DIAPH2: variants seen among roughly 807,000 people sequenced by gnomAD.
DIAPH2 encodes diaphanous related formin 2.
A neutral mutation model predicts 92.7 loss-of-function variants in DIAPH2; 35 were observed. The ratio of observed to expected loss-of-function variants is 0.38; its 90% confidence interval spans 0.29 to 0.50. DIAPH2 has a LOEUF of 0.50. Ranked by LOEUF, DIAPH2 falls within the 20% of genes least tolerant of loss-of-function variation. DIAPH2 has a pLI of 0.94. For missense variants in DIAPH2, 701 were observed against 819.5 expected (o/e 0.86, Z 1.77); for synonymous variants, 301 against 280.4 (o/e 1.07, Z -0.73).
chrX:97,009,209 C>G (rs1357170721), intron 17 of DIAPH2, among the ~76,000 whole-genome samples: 3 of 111,041 alleles, frequency 2.7e-5, no homozygotes, highest in African/African-American at 9.8e-5. Flanking sequence ...CCATCACCAC[C>G]CCAGGCCTGC....
Position 96,916,390 on chromosome X carries a change from T to C in DIAPH2, c.733-48T>C, listed in dbSNP as rs1362481255. The C allele has an allele frequency of 1.9e-6, 2 of 1,070,173 alleles. 1 individual carries two copies. Among genetic ancestry groups the C allele is most frequent in the Admixed American group, 7.5e-5 (2 of 26,732 alleles). 88.2% of individuals were successfully genotyped at this position (1,070,173 alleles called of 1,213,427 possible). A position where few individuals can be genotyped will look rare whatever the true frequency, so the allele number is the denominator to read the frequency against. The stretch of plus-strand genomic sequence containing the variant: ...GTACGTTGCTTTTTTAAATTAAAGA[T>C]ATATTCCATAGACATTCTGAATGAA... On this transcript the variant is annotated intron_variant, in intron 7 of 26. Coordinates refer to ENST00000324765, the MANE Select transcript of DIAPH2 (RefSeq NM_006729.5).
intron 26 of DIAPH2, among the ~76,000 whole-genome samples, chrX:97,578,435 C>G (rs973752112): frequency 3.8e-5 from 4 of 105,396 alleles, no homozygotes; most frequent in African/African-American, 1.4e-4. Context: ...GTTTTTTGCT[C>G]TTGCGATAGT....
chrX:97,305,845 A>G (rs1318600024), intron 23 of DIAPH2, among the ~76,000 whole-genome samples: 1 of 108,448 alleles, frequency 9.2e-6, no homozygotes, highest in East Asian at 2.9e-4. Context: ...AAAAAAAGAA[A>G]GAAAGAAAGA....
intron 23 of DIAPH2, among the ~76,000 whole-genome samples, chrX:97,322,324 A>T (rs2068905284): frequency 8.9e-6 from 1 of 112,307 alleles, no homozygotes; most frequent in Non-Finnish European, 1.9e-5. Flanking sequence ...TGTAAGTTTA[A>T]GCATATGATT....
rs189037380 is a variant in DIAPH2, at chrX:97,297,877, A to G, written c.2844+50038A>G. 1.0e-3 allele frequency among the ~76,000 whole-genome samples: 111 copies of G among 110,937 alleles called. 2 individuals carry two copies. Among genetic ancestry groups the G allele is most frequent in the Middle Eastern group, 9.3e-3 (2 of 216 alleles). ...ACTTTGGGAATATCCTTTAGTTTAT[A>G]TACTACAGTTACCCCCTCCATAATA... On this transcript the variant is annotated intron_variant, in intron 23 of 26. Transcript: ENST00000324765.
chrX:97,452,562 T>C (rs971445320), intron 26 of DIAPH2, among the ~76,000 whole-genome samples: 6 of 111,986 alleles, frequency 5.4e-5, no homozygotes, highest in African/African-American at 1.6e-4. Context: ...TCTTTTTACA[T>C]TGGATTTTGA....
chrX:97,235,524 A>T (rs1043895051), intron 22 of DIAPH2, among the ~76,000 whole-genome samples: 1 of 107,112 alleles, frequency 9.3e-6, no homozygotes, highest in South Asian at 4.2e-4. Flanking sequence ...GAATGGCTTG[A>T]ACCTGGGAGG....
In DIAPH2 at chrX:97,429,540, G is replaced by T. The variant is rs768594508; in HGVS notation, c.3146-110G>T. On this transcript the variant is annotated intron_variant, in intron 25 of 26. Coordinates refer to ENST00000324765, the MANE Select transcript of DIAPH2 (RefSeq NM_006729.5). ...ATCCATTATGTTAAAACAGATATATGTCTTTAATTTAGGGGTATTATGTAA... is the reference window on the plus strand; with the variant it reads ...ATCCATTATGTTAAAACAGATATATTTCTTTAATTTAGGGGTATTATGTAA... 6.5e-4 allele frequency: 658 copies of T among 1,011,872 alleles called. No individual in the cohort carries two copies. The highest frequency in any genetic ancestry group is 8.0e-4 in the Non-Finnish European group (616 of 767,494). The allele number at this position is 1,011,872 out of a possible 1,213,427, so 83.4% of individuals were successfully genotyped here.
At chrX:97,219,664 C>G (rs2067909415) in intron 22 of DIAPH2, among the ~76,000 whole-genome samples, 1 of 111,601 alleles carries the variant, frequency 9.0e-6, no homozygotes, top group Admixed American at 9.6e-5. Flanking sequence ...AATACACTAG[C>G]TTCACATGTT....
intron 26 of DIAPH2, among the ~76,000 whole-genome samples, chrX:97,575,889 C>G (rs943615286): frequency 8.9e-6 from 1 of 111,994 alleles, no homozygotes; most frequent in Non-Finnish European, 1.9e-5. Context: ...ATTACTAACA[C>G]GTTGTGACCA....
chrX:97,185,379 A>ATG (rs1569323083), intron 22 of DIAPH2, among the ~76,000 whole-genome samples: 1 of 41,609 alleles, frequency 2.4e-5, no homozygotes, highest in Non-Finnish European at 3.5e-5. Context: ...GTATATATAT[A>ATG]TGTATATATA....
At chrX:96,719,676 T>G (rs2063977432) in intron 1 of DIAPH2, among the ~76,000 whole-genome samples, 1 of 111,962 alleles carries the variant, frequency 8.9e-6, no homozygotes, top group African/African-American at 3.2e-5. Flanking sequence ...CATGCTGTTT[T>G]GGTTACTATA....
intron 1 of DIAPH2, among the ~76,000 whole-genome samples, chrX:96,714,573 T>TA (rs1294142506): frequency 8.9e-6 from 1 of 111,855 alleles, no homozygotes; most frequent in African/African-American, 3.3e-5. Context: ...CTGTGTGTAA[T>TA]ATGTTAATGT....
chrX:96,775,136 G>A (rs2064367434), intron 4 of DIAPH2, among the ~76,000 whole-genome samples: 1 of 110,816 alleles, frequency 9.0e-6, no homozygotes, highest in Admixed American at 9.7e-5. Flanking sequence ...GCTGAGGACC[G>A]TTGTTCATCA....
At chrX:97,104,401 G>T (rs990738318) in intron 20 of DIAPH2, among the ~76,000 whole-genome samples, 3 of 108,525 alleles carry the variant, frequency 2.8e-5, no homozygotes, top group Non-Finnish European at 5.7e-5. Context: ...GCCTCTTAAA[G>T]CTCTTAAAGA....
chrX:96,696,878 A>G (rs2063828240), intron 1 of DIAPH2, among the ~76,000 whole-genome samples: 1 of 112,159 alleles, frequency 8.9e-6, no homozygotes, highest in South Asian at 3.7e-4. Context: ...ATTGCAGAAG[A>G]CCCAAAGGAC....
intron 17 of DIAPH2, among the ~76,000 whole-genome samples, chrX:96,991,542 T>TTG (rs1413364381): frequency 9.4e-6 from 1 of 106,016 alleles, no homozygotes; most frequent in Non-Finnish European, 1.9e-5. Flanking sequence ...TTATGGTGTT[T>TTG]TTTTTTTTTT....
chrX:96,824,221 G>C (rs1278931803), intron 4 of DIAPH2, among the ~76,000 whole-genome samples: 1 of 110,267 alleles, frequency 9.1e-6, no homozygotes, highest in Non-Finnish European at 1.9e-5. Flanking sequence ...TCTTTTAATG[G>C]GCTGGGAAGC....
At chrX:97,355,671 C>T (rs748489829) in intron 24 of DIAPH2, among the ~76,000 whole-genome samples, 16 of 111,141 alleles carry the variant, frequency 1.4e-4, no homozygotes, top group African/African-American at 4.9e-4. Context: ...CTAGATGTCT[C>T]CAGGTCTCTT....
Sources: gnomAD v4.1 joint callset for allele counts (sites outside exome capture counted in the v4.1 genomes callset) on GRCh38, gnomAD v4.1.1 for gene constraint, MANE v1.5 for transcripts, NCBI Gene and HGNC (gene_info 2026-07-23, HGNC 2026-07-21) for gene names.